Variants in NOMO1 observed in about 807,000 individuals in gnomAD.
NOMO1 encodes the protein NODAL modulator 1.
NOMO1 carries 40 observed loss-of-function variants against 133.8 expected under a neutral mutation model. The observed-to-expected ratio is 0.30, with a 90% CI of 0.23 to 0.39. The LOEUF (loss-of-function observed/expected upper bound fraction) is 0.39, where lower values mean the gene tolerates loss of function less well. NOMO1 is among the 10% of genes least tolerant of loss of function. The pLI is 1.00. For synonymous variants in NOMO1, 236 were observed against 570.5 expected (o/e 0.41, Z 8.36); for missense variants, 462 against 1,419.9 (o/e 0.33, Z 10.84).
At chr16:14,875,641 G>A (rs879093793) in intron 20 of NOMO1, among the ~76,000 whole-genome samples, 5 of 149,150 alleles carry the variant, frequency 3.4e-5, no homozygotes, top group Admixed American at 2.0e-4. Context: ...TGGATGGATG[G>A]ATGAATGAAT....
At chr16:14,855,745 T>G (rs1448976265) in intron 9 of NOMO1, among the ~76,000 whole-genome samples, 1 of 152,054 alleles carries the variant, frequency 6.6e-6, no homozygotes, top group Non-Finnish European at 1.5e-5. Context: ...GAATGGAATT[T>G]CAGGGAATGG....
intron 5 of NOMO1, among the ~76,000 whole-genome samples, chr16:14,847,839 G>T (rs1410728893): frequency 6.6e-6 from 1 of 151,858 alleles, no homozygotes; most frequent in Non-Finnish European, 1.5e-5. Flanking sequence ...TTTCATTTTT[G>T]AAATAACATT....
At chr16:14,839,818 T>G (rs1212011293) in intron 2 of NOMO1, among the ~76,000 whole-genome samples, 1 of 151,374 alleles carries the variant, frequency 6.6e-6, no homozygotes, top group African/African-American at 2.4e-5. Context: ...CTCGGCTCAC[T>G]GCAACCTCTG....
chr16:14,875,663 A>G (rs1467560223), intron 20 of NOMO1, among the ~76,000 whole-genome samples: 2 of 152,030 alleles, frequency 1.3e-5, no homozygotes, highest in Non-Finnish European at 2.9e-5. Context: ...AATGATTTAG[A>G]TAAATAAAAG....
rs146403442 is a variant in NOMO1, at chr16:14,866,707, T to A, written c.1806+16T>A. 1.9e-6 allele frequency: 3 copies of A among 1,602,452 alleles called. No individual in the cohort carries two copies. The highest frequency in any genetic ancestry group is 1.1e-5 in the South Asian group (1 of 90,602). On this transcript the variant is annotated intron_variant, in intron 15 of 30. Transcript: ENST00000287667. ...CATCACTCTGGTATGTACGGCTTAT[T>A]GAGTCTCTTATTTGGAAAAGCGCTC...
chr16:14,873,950 C>G (rs1430970246), intron 18 of NOMO1, among the ~76,000 whole-genome samples: 1 of 151,652 alleles, frequency 6.6e-6, no homozygotes, highest in East Asian at 2.0e-4. Context: ...AGCCAATTCC[C>G]CAACAAAGCC....
chr16:14,887,325 G>A (rs992046135), intron 28 of NOMO1, among the ~76,000 whole-genome samples: 5 of 147,888 alleles, frequency 3.4e-5, no homozygotes, highest in South Asian at 2.1e-4. Context: ...ACGGAGTCTC[G>A]CCTTGTCGCC....
intron 1 of NOMO1, among the ~76,000 whole-genome samples, chr16:14,836,659 A>G (rs1275638337): frequency 6.8e-6 from 1 of 146,302 alleles, no homozygotes; most frequent in Non-Finnish European, 1.5e-5. Context: ...AGAGAGAGAT[A>G]TTAAATAGTA....
At chr16:14,883,315 G>A (rs1435501994) in intron 26 of NOMO1, among the ~76,000 whole-genome samples, 1 of 151,798 alleles carries the variant, frequency 6.6e-6, no homozygotes, top group East Asian at 1.9e-4. Context: ...TTTTGACCTA[G>A]GAAGTGGATT....
intron 2 of NOMO1, 126 bp downstream of exon 2, chr16:14,838,622 A>G (rs1963557350): frequency 2.2e-6 from 2 of 891,288 alleles, no homozygotes; most frequent in Non-Finnish European, 3.5e-6. Flanking sequence ...GTGGAATATG[A>G]TAATCCTAGC....
intron 23 of NOMO1, among the ~76,000 whole-genome samples, 165 bp downstream of exon 23, chr16:14,878,999 A>AG (rs1287569523): frequency 3.9e-5 from 6 of 151,932 alleles, no homozygotes; most frequent in Admixed American, 6.6e-5. Flanking sequence ...CTCTTACTCG[A>AG]ACTTAATGCT....
At chr16:14,864,247 A>C (rs1963957661) in intron 12 of NOMO1, among the ~76,000 whole-genome samples, 1 of 150,860 alleles carries the variant, frequency 6.6e-6, no homozygotes, top group African/African-American at 2.5e-5. Context: ...CTTATGCTAC[A>C]AGTGATCCGA....
Position 14,886,859 on chromosome 16 carries a change from C to T in NOMO1, c.3321C>T (p.Gly1107=), listed in dbSNP as rs147492209. The change falls in exon 28 of 31, where the codon GGC becomes GGT. Residue 1107 remains glycine (G), a synonymous_variant. Transcript: ENST00000287667. ...FFHFPPLLRD[G]ENYVVLLDST... ...ATTTCCCCCCACTGCTCAGAGACGGCGAGGTAATGCCTGTGGCCGGATTCT... is the reference window on the plus strand; with the variant it reads ...ATTTCCCCCCACTGCTCAGAGACGGTGAGGTAATGCCTGTGGCCGGATTCT... 81 of 1,611,690 alleles carry T rather than the reference C, an allele frequency of 5.0e-5. No homozygotes were observed. Among genetic ancestry groups the T allele is most frequent in the African/African-American group, 1.9e-4 (14 of 74,756 alleles).
rs372200759 is a variant in NOMO1 at position 14,866,648 on chromosome 16, C to T, written c.1763C>T (p.Thr588Met). ...DDMSAVEFRQTGYMLRCSLSH... is the reference protein window; with the variant it reads ...DDMSAVEFRQMGYMLRCSLSH... ...ATGTCTGCAGTTGAGTTCAGGCAGA[C>T]GGGCTACATGCTGAGATGTTCCCTG... The change falls in exon 15 of 31, where the codon ACG becomes ATG. Residue 588 changes from threonine to methionine, a missense_variant. Transcript: ENST00000287667. 6.2e-6 allele frequency: 10 copies of T among 1,609,886 alleles called. No homozygotes were observed. The highest frequency in any genetic ancestry group is 2.2e-5 in the East Asian group (1 of 44,554).
intron 7 of NOMO1, chr16:14,853,136 C>T (rs892845812): frequency 4.4e-6 from 1 of 226,402 alleles, no homozygotes; most frequent in Admixed American, 7.0e-5. Context: ...AAACAAATCT[C>T]AGGTTTAAAC....
At chr16:14,838,165 G>A (rs1186348239) in intron 1 of NOMO1, among the ~76,000 whole-genome samples, 6 of 152,070 alleles carry the variant, frequency 3.9e-5, no homozygotes, top group African/African-American at 1.2e-4. Flanking sequence ...AAACAGAAAA[G>A]CATTGAAAAA....
intron 1 of NOMO1, among the ~76,000 whole-genome samples, chr16:14,837,274 G>T (rs1021754984): frequency 6.6e-6 from 1 of 152,100 alleles, no homozygotes; most frequent in Admixed American, 6.6e-5. Flanking sequence ...CTCCCAAAAT[G>T]CTGGGATTAC....
Position 14,853,549 on chromosome 16 carries a change from C to G in NOMO1, c.818C>G (p.Ser273Cys). The change falls in exon 8 of 31, where the codon TCC (serine) becomes TGC (cysteine). Residue 273 changes from serine to cysteine, a missense_variant. Physicochemically the swap from Ser to Cys is moderately radical, Grantham distance 112. Coordinates refer to ENST00000287667, the MANE Select transcript of NOMO1 (RefSeq NM_014287.4). ...CTGGTGTATTTGTGCTACACGGTCT[C>G]CAGAGAAGATGGCTCGTTCTCTTTC... ...ESLVYLCYTV[S>C]REDGSFSFYS... 7.5e-6 allele frequency: 12 copies of G among 1,608,838 alleles called. No individual in the cohort carries two copies. Among genetic ancestry groups the G allele is most frequent in the South Asian group, 1.1e-5 (1 of 90,790 alleles).
At chr16:14,875,919 G>A (rs537370413) in intron 20 of NOMO1, among the ~76,000 whole-genome samples, 12 of 151,164 alleles carry the variant, frequency 7.9e-5, no homozygotes, top group African/African-American at 2.7e-4. Context: ...CTCTGGCTTC[G>A]TTAAGTTGTG....
Sources: allele counts gnomAD v4.1 joint callset (sites outside exome capture counted in the v4.1 genomes callset), GRCh38; gene constraint gnomAD v4.1.1; transcripts MANE v1.5; gene names NCBI Gene and HGNC (gene_info 2026-07-23, HGNC 2026-07-21).